Variants in JMJD1C observed in about 807,000 individuals in gnomAD.
JMJD1C encodes jumonji domain-containing protein 1C.
In JMJD1C, 31 loss-of-function variants were observed where a neutral mutation model predicts 245.3. That is an observed-to-expected ratio of 0.13 (90% confidence interval 0.09 to 0.17). The LOEUF is 0.17. JMJD1C is among the 10% of genes least tolerant of loss of function. JMJD1C has a pLI of 1.00. For synonymous variants in JMJD1C, 1,057 were observed against 1,017.4 expected (o/e 1.04, Z -0.74); for missense variants, 2,691 against 3,000.2 (o/e 0.90, Z 2.41).
intron 1 of JMJD1C, among the ~76,000 whole-genome samples, chr10:63,450,606 A>C (rs1234037330): frequency 6.6e-6 from 1 of 152,254 alleles, no homozygotes; most frequent in Non-Finnish European, 1.5e-5. Flanking sequence ...ATGCAGATAA[A>C]GCATGTGACA....
chr10:63,233,776 CA>C (rs1850314051), intron 3 of JMJD1C, among the ~76,000 whole-genome samples: 7 of 150,594 alleles, frequency 4.6e-5, no homozygotes, highest in Admixed American at 1.3e-4. Context: ...CACACACACA[CA>C]CACACACCAC....
intron 10 of JMJD1C, chr10:63,203,983 C>T: frequency 2.0e-6 from 2 of 983,688 alleles, no homozygotes; most frequent in Non-Finnish European, 2.4e-6. Context: ...TGAAAACTCC[C>T]AACTTAAAGA....
chr10:63,478,465 A>AT (rs1259505347), intron 1 of JMJD1C, among the ~76,000 whole-genome samples: 7 of 152,248 alleles, frequency 4.6e-5, no homozygotes, highest in Admixed American at 3.9e-4. Context: ...AACAATATAG[A>AT]TATGGATGAA....
chr10:63,423,103 T>C (rs1162412216), intron 1 of JMJD1C, among the ~76,000 whole-genome samples: 1 of 152,134 alleles, frequency 6.6e-6, no homozygotes, highest in Non-Finnish European at 1.5e-5. Context: ...TAGCTGGGAT[T>C]ACAAGCATGT....
intron 1 of JMJD1C, among the ~76,000 whole-genome samples, chr10:63,422,255 T>C (rs141200290): frequency 3.3e-5 from 5 of 152,130 alleles, no homozygotes; most frequent in African/African-American, 1.2e-4. Context: ...CTACTAAAAA[T>C]ACAAAAATCA....
At chr10:63,479,648 A>C (rs534860410) in intron 1 of JMJD1C, among the ~76,000 whole-genome samples, 1 of 152,288 alleles carries the variant, frequency 6.6e-6, no homozygotes, top group South Asian at 2.1e-4. Flanking sequence ...CATGGTATTA[A>C]TTTACTATTC....
rs367818129 is a variant in JMJD1C at position 63,213,984 on chromosome 10, T to C, written c.2183A>G (p.His728Arg). ...ALIGSETGAN[H>R]ISPFLSQHPF... is the part of the protein sequence containing the mutation. ...ATGCTGGCTTAGGAAAGGTGAAATA[T>C]GATTAGCTCCTGTTTCTGACCCAAT... is the stretch of plus-strand genomic sequence containing the variant. Residue 728 changes from histidine to arginine, a missense_variant, in exon 8 of 26, where the codon CAT (histidine) becomes CGT (arginine). Physicochemically the swap from His to Arg is conservative, Grantham distance 29. Around this residue, in one of 9 missense-constraint regions of JMJD1C, gnomAD observed 1,562 missense variants for 1,490.7 expected, o/e 1.05. Transcript: ENST00000399262. 1.3e-5 allele frequency: 21 copies of C among 1,614,084 alleles called. No individual in the cohort carries two copies. The highest frequency in any genetic ancestry group is 2.2e-5 in the East Asian group (1 of 44,902).
At chr10:63,270,473 CTTT>C (rs538368803) in intron 2 of JMJD1C, among the ~76,000 whole-genome samples, 1 of 145,222 alleles carries the variant, frequency 6.9e-6, no homozygotes, top group Non-Finnish European at 1.5e-5. Flanking sequence ...CCAGCCTCTT[CTTT>C]TTTTTTTTGA....
At chr10:63,428,301 TAC>T (rs968022518) in intron 1 of JMJD1C, among the ~76,000 whole-genome samples, 82 of 152,248 alleles carry the variant, frequency 5.4e-4, no homozygotes, top group African/African-American at 1.9e-3. Flanking sequence ...TGATTTCAAT[TAC>T]ACAGTGCCAG....
In JMJD1C at chr10:63,314,949, C is replaced by CTTT. The variant is rs201119978; in HGVS notation, c.334-50188_334-50186dup. On this transcript the variant is annotated intron_variant, in intron 2 of 25. Transcript: ENST00000399262. ...CAGGCTTGAGTTCACTGTGCCCAGC[C>CTTT]TTTTTTGTTTTTTTTTTTTTTTTGA... is the stretch of plus-strand genomic sequence containing the variant. Among the ~76,000 whole-genome samples the CTTT allele has an allele frequency of 3.5e-3, 419 of 118,440 alleles. 12 individuals carry two copies. The highest frequency in any genetic ancestry group is 5.5e-3 in the Non-Finnish European group (321 of 58,648). 77.7% of individuals were successfully genotyped at this position (118,440 alleles called of 152,430 possible). A position where few individuals can be genotyped will look rare whatever the true frequency, so the allele number is the denominator to read the frequency against.
chr10:63,442,214 T>C (rs1439388464), intron 1 of JMJD1C, among the ~76,000 whole-genome samples: 1 of 152,144 alleles, frequency 6.6e-6, no homozygotes, highest in Non-Finnish European at 1.5e-5. Flanking sequence ...AAGCCCAGAG[T>C]AGGATGTCCT....
intron 2 of JMJD1C, among the ~76,000 whole-genome samples, chr10:63,351,637 G>C (rs952567836): frequency 6.6e-6 from 1 of 152,038 alleles, no homozygotes; most frequent in African/African-American, 2.4e-5. Flanking sequence ...AACAAAAATA[G>C]AACATAAAAT....
chr10:63,375,496 G>C (rs1946661404), intron 2 of JMJD1C, among the ~76,000 whole-genome samples: 1 of 151,300 alleles, frequency 6.6e-6, no homozygotes, highest in South Asian at 2.1e-4. Flanking sequence ...TAAGTAAAAA[G>C]ACACCCCTGT....
chr10:63,333,474 C>A lies in JMJD1C; in HGVS notation c.333+46844G>T, dbSNP rs571177662. On this transcript the variant is annotated intron_variant, in intron 2 of 25. Transcript: ENST00000399262. ...TGGAGCAGGTGAAGGGCTTGGCCTA[C>A]GAGGTTGAGGCTGCAACGACTGCAC... is the stretch of plus-strand genomic sequence containing the variant. Among the ~76,000 whole-genome samples the A allele has an allele frequency of 2.0e-5, 3 of 151,990 alleles. No homozygotes were observed. In the South Asian group the frequency reaches 6.2e-4, roughly 32 times the overall value.
intron 1 of JMJD1C, among the ~76,000 whole-genome samples, chr10:63,505,511 T>C (rs953858522): frequency 2.0e-5 from 3 of 152,100 alleles, no homozygotes; most frequent in Non-Finnish European, 2.9e-5. Flanking sequence ...GGAAGCTTCA[T>C]AGCAGAGCAG....
At position 63,215,266 on chromosome 10, in the gene JMJD1C, C is replaced by T. The variant is rs1335795321; in HGVS notation, c.1012G>A (p.Gly338Arg). Residue 338 changes from glycine to arginine, a missense_variant, in exon 7 of 26, where the codon GGA (glycine) becomes AGA (arginine). Gly to Arg is a moderately radical substitution (Grantham distance 125). This residue lies in a region of JMJD1C where 1,562 missense variants were observed against 1,490.7 expected (regional missense o/e 1.05). Transcript: ENST00000399262. ...KEEKYDYISR[G>R]ENPKGKNKHL... ...TAAAAAAAAAAGTGGGTCCTACCTCCTCGTGATATATAATCATATTTTTCC... is the reference window on the plus strand; with the variant it reads ...TAAAAAAAAAAGTGGGTCCTACCTCTTCGTGATATATAATCATATTTTTCC... 3 of 1,611,278 alleles carry T rather than the reference C, an allele frequency of 1.9e-6. No individual in the cohort carries two copies. The highest frequency in any genetic ancestry group is 2.2e-5 in the South Asian group (2 of 90,718).
rs145494271 is a variant in JMJD1C at position 63,485,240 on chromosome 10, G to A, written n.113+36498C>T. Among the ~76,000 whole-genome samples, 117 of 152,098 alleles carry A rather than the reference G, an allele frequency of 7.7e-4. 1 individual carries two copies. The highest frequency in any genetic ancestry group is 2.7e-3 in the African/African-American group (113 of 41,512). Reference sequence around the variant, plus strand: ...TGTTTGTCTGTTTTTGAAATGAAACGCTACTAGAAAAACTTTTAAAACACA... The same window carrying A: ...TGTTTGTCTGTTTTTGAAATGAAACACTACTAGAAAAACTTTTAAAACACA... On this transcript the variant is annotated intron_variant and non_coding_transcript_variant, in intron 1 of 3. Coordinates refer to the JMJD1C transcript ENST00000633035.
rs888698645 is a variant in JMJD1C at position 63,220,213 on chromosome 10, T to C, written c.448-230A>G. ...GACAACAATGTCCTAAAGTCAAAAT[T>C]TGAAATTAATGTGTTTTCTAACTTT... On this transcript the variant is annotated intron_variant, in intron 3 of 25. Coordinates refer to ENST00000399262, the MANE Select transcript of JMJD1C (RefSeq NM_032776.3). 5.9e-5 allele frequency among the ~76,000 whole-genome samples: 9 copies of C among 152,362 alleles called. No individual in the cohort carries two copies. The South Asian group carries it at 8.3e-4, about 14-fold the overall frequency.
chr10:63,370,684 T>TAA (rs1326210880), intron 2 of JMJD1C, among the ~76,000 whole-genome samples: 1 of 152,234 alleles, frequency 6.6e-6, no homozygotes, highest in Non-Finnish European at 1.5e-5. Context: ...TGTTATGGTT[T>TAA]AAGCTGTCAT....
Sources: gnomAD v4.1 joint callset for allele counts (sites outside exome capture counted in the v4.1 genomes callset) on GRCh38, gnomAD v4.1.1 for gene constraint, gnomAD v4.1.1 regional missense constraint, MANE v1.5 for transcripts, NCBI Gene and HGNC (gene_info 2026-07-23, HGNC 2026-07-21) for gene names.